Variants in SETD2 observed in about 807,000 individuals in gnomAD.
SETD2 encodes the protein SET domain containing 2, histone lysine methyltransferase.
SETD2 carries 31 observed loss-of-function variants against 242.1 expected under a neutral mutation model. That is an observed-to-expected ratio of 0.13 (90% CI 0.10 to 0.17). SETD2 has a LOEUF of 0.17. Among genes scored for constraint, SETD2 ranks in the 10% least tolerant of loss-of-function variants. The pLI is 1.00. For missense variants in SETD2, 2,481 were observed against 3,046.3 expected (o/e 0.81, Z 4.37); for synonymous variants, 1,006 against 1,066.5 (o/e 0.94, Z 1.11).
rs2107743259 is a variant in SETD2, at chr3:47,120,583, G to C, written c.4053C>G (p.Asp1351Glu). 6.2e-7 allele frequency: 1 copy of C among 1,614,044 alleles called. No individual in the cohort carries two copies. ...WDQQDGSHFS[D>E]QSDKFLLSLQ... ...GGGATAGAAGAAATTTATCGGACTG[G>C]TCTGAAAAATGGGATCCATCCTGTT... is the stretch of plus-strand genomic sequence containing the variant. The change falls in exon 3 of 21, where the codon GAC becomes GAG. Residue 1351 changes from aspartate (D) to glutamate (E), a missense_variant. Coordinates refer to ENST00000409792, the MANE Select transcript of SETD2 (RefSeq NM_014159.7).
At chr3:47,064,524 A>G in intron 13 of SETD2, 1 of 260,564 alleles carries the variant, frequency 3.8e-6, no homozygotes, top group South Asian at 4.0e-5. Flanking sequence ...TTTCTTCACT[A>G]TACCCTGATA....
intron 12 of SETD2, among the ~76,000 whole-genome samples, chr3:47,077,465 AG>A (rs2041137456): frequency 6.6e-6 from 1 of 152,236 alleles, no homozygotes; most frequent in African/African-American, 2.4e-5. Context: ...AGGCAAAAGA[AG>A]AATGAACAAC....
rs2107745009 is a variant in SETD2, at chr3:47,120,706, T to C, written c.3930A>G (p.Ser1310=). The change falls in exon 3 of 21, where the codon TCA becomes TCG. Residue 1310 remains serine (S), a synonymous_variant. Transcript: ENST00000409792. ...CAACCCCAGTTCCAGGAGGTCTACC[T>C]GATCTTGGATCCCAGTAACCATTGC... ...WQGNGYWDPR[S]GRPPGTGVVY... The C allele has an allele frequency of 1.9e-6, 3 of 1,614,214 alleles. No individual in the cohort carries two copies. The highest frequency in any genetic ancestry group is 1.1e-5 in the South Asian group (1 of 91,084).
intron 14 of SETD2, among the ~76,000 whole-genome samples, chr3:47,058,942 C>T (rs1240138775): frequency 6.6e-6 from 1 of 151,198 alleles, no homozygotes; most frequent in African/African-American, 2.4e-5. Context: ...CTATAGGTGC[C>T]CGCCACCATG....
chr3:47,040,207 G>GA (rs2039216055), intron 17 of SETD2, among the ~76,000 whole-genome samples: 1 of 152,094 alleles, frequency 6.6e-6, no homozygotes. Context: ...TTGAACTCCT[G>GA]AAATCAGGTG....
chr3:47,161,105 G>A (rs1301037845), intron 1 of SETD2, among the ~76,000 whole-genome samples: 1 of 152,096 alleles, frequency 6.6e-6, no homozygotes, highest in Non-Finnish European at 1.5e-5. Context: ...AAGGGCACTT[G>A]GTCATTTCTC....
At chr3:47,044,620 C>T (rs572370526) in intron 16 of SETD2, among the ~76,000 whole-genome samples, 386 of 152,212 alleles carry the variant, frequency 2.5e-3, no homozygotes, top group Non-Finnish European at 3.8e-3. Context: ...GTTTCCCATG[C>T]CAACCTCTTA....
chr3:47,125,591 C>A (rs1277301216), intron 2 of SETD2, among the ~76,000 whole-genome samples: 1 of 152,192 alleles, frequency 6.6e-6, no homozygotes, highest in Non-Finnish European at 1.5e-5. Context: ...CAAATGAGGA[C>A]CAGGCCTTCT....
At chr3:47,075,964 A>G (rs1451430754) in intron 12 of SETD2, among the ~76,000 whole-genome samples, 1 of 152,246 alleles carries the variant, frequency 6.6e-6, no homozygotes, top group Non-Finnish European at 1.5e-5. Context: ...TCATTCACAT[A>G]TTTTTGAAAT....
At chr3:47,075,722 T>C (rs986196140) in intron 12 of SETD2, among the ~76,000 whole-genome samples, 6 of 152,162 alleles carry the variant, frequency 3.9e-5, no homozygotes, top group African/African-American at 1.4e-4. Flanking sequence ...CATAAGTCAA[T>C]TGTCAGCTGT....
chr3:47,087,426 G>C (rs151030765), intron 10 of SETD2, among the ~76,000 whole-genome samples: 1 of 152,144 alleles, frequency 6.6e-6, no homozygotes, highest in South Asian at 2.1e-4. Flanking sequence ...TAGATCTCTC[G>C]CATGTGCAGT....
chr3:47,089,298 T>C (rs2041697484), intron 9 of SETD2, among the ~76,000 whole-genome samples: 1 of 152,034 alleles, frequency 6.6e-6, no homozygotes, highest in South Asian at 2.1e-4. Flanking sequence ...ATCAAAAAAA[T>C]TAGCCAGGTG....
At chr3:47,085,630 T>C (rs1002096448) in intron 11 of SETD2, among the ~76,000 whole-genome samples, 1 of 152,230 alleles carries the variant, frequency 6.6e-6, no homozygotes, top group Non-Finnish European at 1.5e-5. Flanking sequence ...TTTTTAAAAG[T>C]GTTTTATTAA....
intron 4 of SETD2, among the ~76,000 whole-genome samples, chr3:47,115,711 G>A (rs1345297404): frequency 2.0e-5 from 3 of 152,112 alleles, no homozygotes; most frequent in Admixed American, 1.3e-4. Context: ...ATAGTGGAAT[G>A]ACAGCTCACT....
chr3:47,018,648 T>C (rs571515588), intron 19 of SETD2, among the ~76,000 whole-genome samples: 1 of 152,332 alleles, frequency 6.6e-6, no homozygotes, highest in African/African-American at 2.4e-5. Context: ...TTTCCTGGCC[T>C]CCAAACTCTC....
intron 14 of SETD2, among the ~76,000 whole-genome samples, chr3:47,059,503 T>A (rs1428080160): frequency 1.3e-5 from 2 of 151,096 alleles, no homozygotes; most frequent in Non-Finnish European, 1.5e-5. Flanking sequence ...CACTGCAACC[T>A]CTGCCTCCCG....
In SETD2 at chr3:47,149,898, T is replaced by A. The variant is rs533420435; in HGVS notation, c.71+13956A>T. ...CATACAGTTAGAAACTGACAGACTT[T>A]AGAAAACTGAATTTTTTTGTATGCT... On this transcript the variant is annotated intron_variant, in intron 1 of 20. Transcript: ENST00000409792. 2.9e-4 allele frequency among the ~76,000 whole-genome samples: 44 copies of A among 152,262 alleles called. No homozygotes were observed. The East Asian group carries it at 8.3e-3, about 29-fold the overall frequency.
intron 12 of SETD2, among the ~76,000 whole-genome samples, chr3:47,071,628 A>G (rs1559688734): frequency 6.6e-6 from 1 of 152,192 alleles, no homozygotes; most frequent in Non-Finnish European, 1.5e-5. Flanking sequence ...AATTTAAGAA[A>G]CAATAACATA....
Position 47,122,605 on chromosome 3 carries a change from A to G in SETD2, c.2031T>C (p.Pro677=), listed in dbSNP as rs906313269. 1.2e-6 allele frequency: 2 copies of G among 1,614,090 alleles called. No individual in the cohort carries two copies. ...CPIELNINGS[P]GAESDLATFC... is the part of the protein sequence containing the mutation. ...ATGTTGCCAAATCAGATTCTGCCCCAGGAGATCCATTTATATTTAATTCTA... is the reference window on the plus strand; with the variant it reads ...ATGTTGCCAAATCAGATTCTGCCCCGGGAGATCCATTTATATTTAATTCTA... The change falls in exon 3 of 21, where the codon CCT becomes CCC. Residue 677 remains proline, a synonymous_variant. Coordinates refer to ENST00000409792, the MANE Select transcript of SETD2 (RefSeq NM_014159.7).
Sources: allele counts gnomAD v4.1 joint callset (sites outside exome capture counted in the v4.1 genomes callset), GRCh38; gene constraint gnomAD v4.1.1; transcripts MANE v1.5; gene names NCBI Gene and HGNC (gene_info 2026-07-23, HGNC 2026-07-21).